Variants in ABCB1 observed in about 807,000 individuals in gnomAD.
ABCB1 encodes the protein ATP binding cassette subfamily B member 1, also known as ATP-dependent translocase ABCB1.
In ABCB1, 69 loss-of-function variants were observed where a neutral mutation model predicts 142.0. That is an observed-to-expected ratio of 0.49 (90% CI 0.40 to 0.59). The LOEUF (loss-of-function observed/expected upper bound fraction) is 0.59, where lower values mean the gene tolerates loss of function less well. ABCB1 is among the 20% of genes least tolerant of loss of function. The pLI is 0.00. For missense variants in ABCB1, 1,326 were observed against 1,554.7 expected (o/e 0.85, Z 2.47); for synonymous variants, 532 against 539.2 (o/e 0.99, Z 0.18).
At chr7:87,695,400 G>A (rs1403358603) in intron 1 of ABCB1, among the ~76,000 whole-genome samples, 2 of 151,966 alleles carry the variant, frequency 1.3e-5, no homozygotes, top group African/African-American at 4.8e-5. Context: ...AAGAAACTTG[G>A]GATTGCTGCT....
intron 4 of ABCB1, among the ~76,000 whole-genome samples, chr7:87,573,937 G>T (rs969350492): frequency 2.0e-5 from 3 of 152,150 alleles, no homozygotes; most frequent in African/African-American, 7.2e-5. Context: ...TTTGAGGGTT[G>T]GAGAGGAAAC....
intron 1 of ABCB1, among the ~76,000 whole-genome samples, chr7:87,699,911 T>C (rs1585136536): frequency 6.6e-6 from 1 of 152,300 alleles, no homozygotes; most frequent in East Asian, 1.9e-4. Context: ...AGGATGCTAA[T>C]TGATTTTATT....
At chr7:87,567,130 C>T (rs1038513043) in intron 5 of ABCB1, among the ~76,000 whole-genome samples, 154 bp from the exon 6 acceptor site, 5 of 152,194 alleles carry the variant, frequency 3.3e-5, no homozygotes, top group Non-Finnish European at 5.9e-5. Context: ...TTGATAGTCA[C>T]CATCCAACTA....
chr7:87,672,361 C>T (rs1825908660), intron 1 of ABCB1, among the ~76,000 whole-genome samples: 1 of 152,138 alleles, frequency 6.6e-6, no homozygotes, highest in Admixed American at 6.5e-5. Context: ...GCTAAGGTGC[C>T]CAAACAGCAT....
chr7:87,604,392 G>A (rs1019587636), upstream of ABCB1, among the ~76,000 whole-genome samples: 1 of 151,714 alleles, frequency 6.6e-6, no homozygotes, highest in Admixed American at 6.6e-5. Flanking sequence ...CAAAGAGCAA[G>A]ACATATGACT....
At chr7:87,661,192 A>G (rs1221150069) in intron 1 of ABCB1, among the ~76,000 whole-genome samples, 1 of 151,996 alleles carries the variant, frequency 6.6e-6, no homozygotes, top group East Asian at 1.9e-4. Context: ...CAGGCACACA[A>G]TGTGTAATAA....
At chr7:87,565,486 A>G (rs1245197278) in intron 7 of ABCB1, 1 of 455,358 alleles carries the variant, frequency 2.2e-6, no homozygotes, top group East Asian at 6.9e-5. Context: ...AGAGAGCTGA[A>G]GGCCAAGGAT....
In ABCB1 at chr7:87,637,147, C is replaced by T. The variant is rs1012405537; in HGVS notation, c.-330-36069G>A. 5.3e-5 allele frequency among the ~76,000 whole-genome samples: 8 copies of T among 152,154 alleles called. No individual in the cohort carries two copies. In the South Asian group the frequency reaches 8.3e-4, roughly 16 times the overall value. The stretch of plus-strand genomic sequence containing the variant: ...TGTGGGGATTATGGGAACTACAATT[C>T]AAGATGAGATTTGGGTGGGGACACA... On this transcript the variant is annotated intron_variant, in intron 1 of 28. Transcript: ENST00000265724.
At chr7:87,610,918 C>T (rs114847793) in intron 1 of ABCB1, among the ~76,000 whole-genome samples, 5,169 of 152,230 alleles carry the variant, frequency 0.034, 90 homozygotes, top group Middle Eastern at 0.058. Context: ...CCCCTTTTCC[C>T]TTACTCTCTA....
intron 3 of ABCB1, among the ~76,000 whole-genome samples, chr7:87,586,487 G>A (rs1818766889): frequency 1.3e-5 from 2 of 152,156 alleles, no homozygotes; most frequent in Non-Finnish European, 1.5e-5. Context: ...ACAGAAATGG[G>A]GTAAAGCCAG....
chr7:87,583,004 G>A (rs1016099970), intron 4 of ABCB1, among the ~76,000 whole-genome samples: 2 of 152,112 alleles, frequency 1.3e-5, no homozygotes, highest in South Asian at 2.1e-4. Flanking sequence ...TAGGTACTGA[G>A]TAACTTTGGG....
Position 87,553,851 on chromosome 7 carries a change from G to A in ABCB1, c.909C>T (p.Phe303=). Residue 303 remains phenylalanine (F), a synonymous_variant, in exon 9 of 28, where the codon TTC becomes TTT. Coordinates refer to ENST00000622132, the MANE Select transcript of ABCB1 (RefSeq NM_001348946.2). The stretch of plus-strand genomic sequence containing the variant: ...GAGCATAAGATGCATAGATCAGCAG[G>A]AAAGCAGCACCTATAGAAATATTGG... ...ITANISIGAA[F]LLIYASYALA... The A allele has an allele frequency of 3.1e-6, 5 of 1,614,044 alleles. No homozygotes were observed. Among genetic ancestry groups the A allele is most frequent in the Non-Finnish European group, 4.2e-6 (5 of 1,179,940 alleles).
At chr7:87,559,310 G>A (rs935484320) in intron 8 of ABCB1, among the ~76,000 whole-genome samples, 1 of 152,010 alleles carries the variant, frequency 6.6e-6, no homozygotes, top group African/African-American at 2.4e-5. Context: ...CTTCTTAAGT[G>A]AGAGTTTTAA....
At chr7:87,632,394 GT>G (rs796673014) in intron 1 of ABCB1, among the ~76,000 whole-genome samples, 160 of 152,070 alleles carry the variant, frequency 1.1e-3, no homozygotes, top group African/African-American at 3.8e-3. Context: ...TAATTCATTA[GT>G]TTTTTTTAGT....
intron 1 of ABCB1, among the ~76,000 whole-genome samples, chr7:87,665,227 A>G (rs2130478128): frequency 6.6e-6 from 1 of 152,334 alleles, no homozygotes; most frequent in Non-Finnish European, 1.5e-5. Context: ...GTTAGAATTA[A>G]TAAATTCAGT....
chr7:87,504,809 A>G (rs1189068037), intron 27 of ABCB1, among the ~76,000 whole-genome samples: 1 of 101,812 alleles, frequency 9.8e-6, no homozygotes, highest in Non-Finnish European at 1.9e-5. Context: ...CATCTCAAAG[A>G]AAAAAAAAAA....
chr7:87,593,767 G>A (rs1332837673), intron 3 of ABCB1, among the ~76,000 whole-genome samples: 1 of 152,206 alleles, frequency 6.6e-6, no homozygotes, highest in African/African-American at 2.4e-5. Context: ...TACAAGTGCT[G>A]TCTTAACTCA....
chr7:87,669,632 G>A (rs1019305584), intron 1 of ABCB1, among the ~76,000 whole-genome samples: 5 of 152,146 alleles, frequency 3.3e-5, no homozygotes, highest in Non-Finnish European at 7.3e-5. Context: ...TCTATATAGT[G>A]CTCCTTTCAA....
At chr7:87,661,084 T>C (rs949939271) in intron 1 of ABCB1, among the ~76,000 whole-genome samples, 2 of 151,996 alleles carry the variant, frequency 1.3e-5, no homozygotes, top group South Asian at 4.1e-4. Context: ...TATTAGGTAT[T>C]TTAAATGATT....
Sources: allele counts gnomAD v4.1 joint callset (sites outside exome capture counted in the v4.1 genomes callset), GRCh38; gene constraint gnomAD v4.1.1; transcripts MANE v1.5; gene names NCBI Gene and HGNC (gene_info 2026-07-23, HGNC 2026-07-21).